XPO7: variants seen among roughly 807,000 people sequenced by gnomAD.
XPO7 encodes the protein exportin-7.
A neutral mutation model predicts 144.3 loss-of-function variants in XPO7; 21 were observed. The ratio of observed to expected loss-of-function variants is 0.15; its 90% CI spans 0.10 to 0.21. The LOEUF (loss-of-function observed/expected upper bound fraction) is 0.21. Among genes scored for constraint, XPO7 ranks in the 10% least tolerant of loss-of-function variants. The pLI is 1.00. For missense variants in XPO7, 808 were observed against 1,325.8 expected (o/e 0.61, Z 6.06); for synonymous variants, 580 against 499.6 (o/e 1.16, Z -2.15).
Position 21,998,779 on chromosome 8 carries a change from C to T in XPO7, c.2370C>T (p.Val790=), listed in dbSNP as rs1369734766. 1 of 1,613,986 alleles carries T rather than the reference C, an allele frequency of 6.2e-7. No individual in the cohort carries two copies. Residue 790 remains valine, a synonymous_variant, in exon 22 of 28, where the codon GTC becomes GTT. Transcript: ENST00000252512. Reference sequence around the variant, plus strand: ...GGTCCCAGCGACTCCAGTTTGATGTCTCTTCCCCCAATGGCATCTTACTCT... The same window carrying T: ...GGTCCCAGCGACTCCAGTTTGATGTTTCTTCCCCCAATGGCATCTTACTCT... ...HNRSQRLQFD[V]SSPNGILLFR...
Position 21,991,956 on chromosome 8 carries a change from C to A in XPO7, c.2130C>A (p.Phe710Leu), listed in dbSNP as rs753670354. ...AVAQMFSTNS[F>L]NEQEAKRTLV... is the part of the protein sequence containing the mutation. The stretch of plus-strand genomic sequence containing the variant: ...CCCAGATGTTTAGCACCAATAGTTT[C>A]AACGAGCAGGAGGCAAAGGTGAGTG... Residue 710 changes from phenylalanine to leucine, a missense_variant, in exon 19 of 28, where the codon TTC becomes TTA. By Grantham distance (22) the Phe-to-Leu change is conservative (BLOSUM62 0). Around this residue, in one of 5 missense-constraint regions of XPO7, gnomAD observed 416 missense variants for 612.5 expected, o/e 0.68. Transcript: ENST00000252512. The A allele has an allele frequency of 1.9e-6, 3 of 1,613,438 alleles. No homozygotes were observed. The highest frequency in any genetic ancestry group is 1.7e-6 in the Non-Finnish European group (2 of 1,179,742).
chr8:21,960,261 A>G (rs1332974142), intron 1 of XPO7, among the ~76,000 whole-genome samples: 4 of 152,214 alleles, frequency 2.6e-5, no homozygotes, highest in Non-Finnish European at 5.9e-5. Flanking sequence ...GTGCAAGACA[A>G]AAACCAAAAA....
chr8:21,986,689 A>G (rs763526009), intron 13 of XPO7, among the ~76,000 whole-genome samples: 6 of 152,330 alleles, frequency 3.9e-5, no homozygotes, highest in Non-Finnish European at 8.8e-5. Context: ...AGTTCAAACA[A>G]TGTCTTGCAG....
In XPO7 at chr8:21,919,775, C is replaced by T; in HGVS notation, c.5C>T (p.Ala2Val). M[A>V]DHVQSLAQLE... ...GAGGAGCATGAATGGAGCAAAATGG[C>T]GGATCATGTGCAGGTGAGAGGAGCC... The change falls in exon 1 of 28, where the codon GCG becomes GTG. Residue 2 changes from alanine (A) to valine (V), a missense_variant. Transcript: ENST00000252512. The T allele has an allele frequency of 1.6e-6, 1 of 637,756 alleles. No individual in the cohort carries two copies. The highest frequency in any genetic ancestry group is 2.2e-6 in the Non-Finnish European group (1 of 460,362). The allele number at this position is 637,756 out of a possible 1,614,324, so 39.5% of individuals were successfully genotyped here.
In XPO7 at chr8:21,989,601, T is replaced by C. The variant is rs573365001; in HGVS notation, c.1868+518T>C. 3.1e-4 allele frequency among the ~76,000 whole-genome samples: 47 copies of C among 152,274 alleles called. No individual in the cohort carries two copies. The South Asian group carries it at 5.8e-3, about 19-fold the overall frequency. ...CTGTAAAATTATTGAAGTGACTTTC[T>C]TCTCGCTTTTCCAAATACTGTATAT... On this transcript the variant is annotated intron_variant, in intron 16 of 27. Coordinates refer to ENST00000252512, the MANE Select transcript of XPO7 (RefSeq NM_015024.5).
At position 21,990,861 on chromosome 8, in the gene XPO7, C is replaced by T. The variant is rs745844678; in HGVS notation, c.1983C>T (p.Asp661=). ...TTAACAATCAGTCCAACCTGACAGA[C>T]ATGCGGTGTCGGACTACCTTCTACA... is the stretch of plus-strand genomic sequence containing the variant. ...LGINNQSNLT[D]MRCRTTFYTA... The change falls in exon 18 of 28, where the codon GAC becomes GAT. Residue 661 remains aspartate (D), a synonymous_variant. Coordinates refer to ENST00000252512, the MANE Select transcript of XPO7 (RefSeq NM_015024.5). The T allele has an allele frequency of 1.9e-6, 3 of 1,613,858 alleles. No individual in the cohort carries two copies. Among genetic ancestry groups the T allele is most frequent in the Non-Finnish European group, 2.5e-6 (3 of 1,179,884 alleles).
intron 1 of XPO7, among the ~76,000 whole-genome samples, chr8:21,931,424 C>T (rs1006175073): frequency 2.0e-5 from 3 of 152,084 alleles, no homozygotes; most frequent in Admixed American, 6.5e-5. Context: ...GGATTACAGT[C>T]GTGAGCCACC....
intron 1 of XPO7, among the ~76,000 whole-genome samples, chr8:21,925,780 A>G (rs755907645): frequency 1.1e-4 from 16 of 152,184 alleles, no homozygotes; most frequent in East Asian, 5.8e-4. Flanking sequence ...TCTCTCCCCA[A>G]TATAGCACCG....
intron 5 of XPO7, 83 bp downstream of exon 5, chr8:21,972,024 T>G: frequency 7.4e-7 from 1 of 1,355,300 alleles, no homozygotes; most frequent in Non-Finnish European, 1.0e-6. Context: ...TGGGATGATC[T>G]TTTTTGGCAG....
chr8:21,964,191 G>T (rs902752617), intron 1 of XPO7: 30 of 152,066 alleles, frequency 2.0e-4, no homozygotes, highest in Non-Finnish European at 2.9e-5. Context: ...AATTTTTCAG[G>T]AACAGAAAAT....
intron 1 of XPO7, among the ~76,000 whole-genome samples, chr8:21,947,290 T>A (rs1320603909): frequency 6.6e-6 from 1 of 152,170 alleles, no homozygotes; most frequent in Admixed American, 6.5e-5. Context: ...ACTGCCTAAT[T>A]TTGGACTTTT....
intron 7 of XPO7, among the ~76,000 whole-genome samples, chr8:21,976,744 C>G (rs1812236502): frequency 1.3e-5 from 2 of 152,248 alleles, no homozygotes; most frequent in Non-Finnish European, 2.9e-5. Flanking sequence ...TCCTCAACCT[C>G]CTGGACTCAA....
chr8:21,995,901 AT>A (rs1308900138), intron 21 of XPO7, among the ~76,000 whole-genome samples: 1 of 152,012 alleles, frequency 6.6e-6, no homozygotes, highest in East Asian at 1.9e-4. Context: ...TGCAAGCTCC[AT>A]CCCCCTGGGT....
In XPO7 at chr8:21,990,464, C is replaced by T. The variant is rs188949188; in HGVS notation, c.1932+57C>T. ...CCTACCACCCACACATACACTTTCT[C>T]GACACATAAAGGAGATATGTAAACT... On this transcript the variant is annotated intron_variant, in intron 17 of 27. Transcript: ENST00000252512. The T allele has an allele frequency of 5.9e-4, 943 of 1,588,472 alleles. 6 individuals carry two copies. The African/African-American group carries it at 0.011, about 19-fold the overall frequency.
At chr8:22,004,234 G>T (rs1276787449) in intron 27 of XPO7, among the ~76,000 whole-genome samples, 1 of 152,120 alleles carries the variant, frequency 6.6e-6, no homozygotes, top group East Asian at 1.9e-4. Flanking sequence ...CTAAAATATT[G>T]TATCAGTGTG....
chr8:21,948,891 C>T (rs1811276532), intron 1 of XPO7, among the ~76,000 whole-genome samples: 1 of 152,162 alleles, frequency 6.6e-6, no homozygotes, highest in Non-Finnish European at 1.5e-5. Context: ...TTTGGTTCCT[C>T]CAAGGATCCT....
chr8:21,951,050 C>T (rs1432202040), intron 1 of XPO7, among the ~76,000 whole-genome samples: 1 of 151,976 alleles, frequency 6.6e-6, no homozygotes, highest in Non-Finnish European at 1.5e-5. Context: ...GAGCCGAGGT[C>T]ACATCGCTGT....
intron 23 of XPO7, 53 bp from the exon 24 acceptor site, chr8:21,999,483 A>G: frequency 1.2e-6 from 2 of 1,608,694 alleles, no homozygotes; most frequent in Non-Finnish European, 1.7e-6. Flanking sequence ...GTCTCCCTGC[A>G]TGCTGGAGTG....
Position 21,987,060 on chromosome 8 carries a change from G to T in XPO7, c.1578-81G>T. The T allele has an allele frequency of 3.8e-6, 6 of 1,586,790 alleles. No individual in the cohort carries two copies. The South Asian group carries it at 5.8e-5, about 15-fold the overall frequency. ...GCTGTACCCAAGTACAGGCATATAC[G>T]ACCATGTCAAGATAGCTTGGGTTGT... On this transcript the variant is annotated intron_variant, in intron 13 of 27. Transcript: ENST00000252512.
Sources: allele counts gnomAD v4.1 joint callset (sites outside exome capture counted in the v4.1 genomes callset), GRCh38; gene constraint gnomAD v4.1.1; regional missense constraint gnomAD v4.1.1; transcripts MANE v1.5; gene names NCBI Gene and HGNC (gene_info 2026-07-23, HGNC 2026-07-21).